The following NAV2 variants were observed in gnomAD, a reference collection of about 807,000 sequenced individuals.
NAV2 encodes helicase, APC down-regulated 1.
In NAV2, 54 loss-of-function variants were observed where a neutral mutation model predicts 223.2. The ratio of observed to expected loss-of-function variants is 0.24; its 90% CI spans 0.19 to 0.30. The LOEUF (loss-of-function observed/expected upper bound fraction) is 0.30, where lower values mean the gene tolerates loss of function less well. Among genes scored for constraint, NAV2 ranks in the 10% least tolerant of loss-of-function variants. The pLI is 1.00. For synonymous variants in NAV2, 1,279 were observed against 1,239.3 expected, an observed-to-expected ratio of 1.03 and a Z score of -0.67; for missense variants, 2,806 against 3,147.5, an observed-to-expected ratio of 0.89 and a Z score of 2.60.
intron 16 of NAV2, 124 bp downstream of exon 16, chr11:20,050,025 G>T: frequency 1.2e-6 from 1 of 824,082 alleles, no homozygotes; most frequent in South Asian, 1.5e-5. Context: ...TGGCTCTAGT[G>T]TACTCTGTGA....
intron 1 of NAV2, among the ~76,000 whole-genome samples, chr11:19,811,798 T>A (rs962525578): frequency 6.6e-6 from 1 of 152,248 alleles, no homozygotes; most frequent in African/African-American, 2.4e-5. Context: ...GATTTTTATC[T>A]GGATTCTAGG....
intron 1 of NAV2, among the ~76,000 whole-genome samples, chr11:19,468,476 C>T (rs908908132): frequency 1.3e-5 from 2 of 152,288 alleles, no homozygotes; most frequent in Admixed American, 1.3e-4. Flanking sequence ...CTGCCTCCAT[C>T]TTCTCCCTGG....
At chr11:19,594,481 G>A (rs1421454959) in intron 1 of NAV2, among the ~76,000 whole-genome samples, 2 of 151,370 alleles carry the variant, frequency 1.3e-5, no homozygotes, top group African/African-American at 4.9e-5. Flanking sequence ...TGTATCCAGG[G>A]CACATAGAAG....
chr11:19,649,794 C>T (rs1163235313), intron 1 of NAV2, among the ~76,000 whole-genome samples: 1 of 152,152 alleles, frequency 6.6e-6, no homozygotes, highest in Non-Finnish European at 1.5e-5. Context: ...AATATTTGAA[C>T]AGGCACAAAA....
At chr11:19,497,304 A>AT (rs1225803416) in intron 1 of NAV2, among the ~76,000 whole-genome samples, 1 of 152,226 alleles carries the variant, frequency 6.6e-6, no homozygotes, top group Non-Finnish European at 1.5e-5. Context: ...TAAGTGCCGT[A>AT]TAAGAATTTG....
intron 1 of NAV2, among the ~76,000 whole-genome samples, chr11:19,516,681 C>A (rs911100864): frequency 6.6e-6 from 1 of 152,198 alleles, no homozygotes; most frequent in African/African-American, 2.4e-5. Context: ...GACTGTTCAA[C>A]AATCTCTGCA....
chr11:19,820,840 C>T (rs1218017056), intron 1 of NAV2, among the ~76,000 whole-genome samples: 1 of 152,202 alleles, frequency 6.6e-6, no homozygotes, highest in African/African-American at 2.4e-5. Flanking sequence ...GATGAGATCA[C>T]AGGTACAAAA....
chr11:19,693,871 G>T (rs1213272043), intron 1 of NAV2, among the ~76,000 whole-genome samples: 3 of 152,210 alleles, frequency 2.0e-5, no homozygotes, highest in Non-Finnish European at 4.4e-5. Flanking sequence ...CATTGTAGCT[G>T]GAGGGAGAAT....
At chr11:19,423,544 G>A (rs1479277188) in intron 1 of NAV2, among the ~76,000 whole-genome samples, 1 of 152,190 alleles carries the variant, frequency 6.6e-6, no homozygotes, top group Non-Finnish European at 1.5e-5. Context: ...ATCTTAAGTG[G>A]GGAGAGCATT....
chr11:19,722,877 C>T (rs1287246833), intron 1 of NAV2, among the ~76,000 whole-genome samples: 1 of 152,216 alleles, frequency 6.6e-6, no homozygotes, highest in Non-Finnish European at 1.5e-5. Flanking sequence ...AGCTCTCCAA[C>T]ACCAGGTCTT....
intron 1 of NAV2, among the ~76,000 whole-genome samples, chr11:19,498,379 T>G (rs1413709459): frequency 6.6e-6 from 1 of 152,234 alleles, no homozygotes; most frequent in Non-Finnish European, 1.5e-5. Flanking sequence ...GTGGCTTTTT[T>G]GGCCAGGTCC....
At chr11:19,892,375 C>A in intron 5 of NAV2, 59 bp from the exon 6 acceptor site, 1 of 1,541,316 alleles carries the variant, frequency 6.5e-7, no homozygotes, top group Non-Finnish European at 8.8e-7. Flanking sequence ...GTTCCTTCTT[C>A]CTACACACTG....
chr11:20,016,302 C>G (rs7948078), intron 11 of NAV2, among the ~76,000 whole-genome samples: 146,965 of 152,314 alleles, frequency 0.96, 71,138 homozygotes, highest in South Asian at 1. Flanking sequence ...CCACATGGTC[C>G]TGTTCCTTAG....
chr11:19,704,798 G>A (rs2049609461), intron 1 of NAV2, among the ~76,000 whole-genome samples: 2 of 151,984 alleles, frequency 1.3e-5, no homozygotes, highest in African/African-American at 4.8e-5. Flanking sequence ...GGATCACGAG[G>A]TCAGGAGATC....
chr11:19,521,578 G>A (rs1168971739), intron 1 of NAV2, among the ~76,000 whole-genome samples: 4 of 152,128 alleles, frequency 2.6e-5, no homozygotes, highest in Non-Finnish European at 4.4e-5. Flanking sequence ...TATCTTATGC[G>A]TTAGTGGGGA....
In NAV2 at chr11:20,114,572, C is replaced by T. The variant is rs1239456865; in HGVS notation, c.6961-20C>T. The T allele has an allele frequency of 1.2e-6, 2 of 1,612,910 alleles. No homozygotes were observed. The highest frequency in any genetic ancestry group is 8.5e-7 in the Non-Finnish European group (1 of 1,179,350). Reference sequence around the variant, plus strand: ...AGATCTGGGCCACTTCCAGACTGTTCCTTCTTTGCCTGTTTTCAGCTCTAT... The same window carrying T: ...AGATCTGGGCCACTTCCAGACTGTTTCTTCTTTGCCTGTTTTCAGCTCTAT... On this transcript the variant is annotated intron_variant, in intron 36 of 37. Transcript: ENST00000349880.
At chr11:19,892,390 TC>T in intron 5 of NAV2, 43 bp from the exon 6 acceptor site, 21 of 1,588,504 alleles carry the variant, frequency 1.3e-5, no homozygotes, top group Non-Finnish European at 1.7e-5. Flanking sequence ...ACACTGTTAT[TC>T]TTCTGAGACT....
intron 10 of NAV2, among the ~76,000 whole-genome samples, chr11:19,963,955 A>G (rs7950088): frequency 0.59 from 90,306 of 151,974 alleles, 27,846 homozygotes; most frequent in African/African-American, 0.74. Context: ...GTTTCTAGAC[A>G]TGATACCCGA....
In NAV2 at chr11:19,518,505, G is replaced by A. The variant is rs138010652; in HGVS notation, c.75+167478G>A. ...GAGTTGTTCTCCCCGCTGCACTGCC[G>A]TCCGTGGTCTGCTTTACAGCTTGGC... On this transcript the variant is annotated intron_variant, in intron 1 of 37. Coordinates refer to the NAV2 transcript ENST00000360655. 1,244 of 152,284 alleles carry A rather than the reference G, an allele frequency of 8.2e-3. 23 individuals are homozygous for A. Among genetic ancestry groups the A allele is most frequent in the African/African-American group, 0.028 (1,166 of 41,518 alleles). 9.4% of individuals were successfully genotyped at this position (152,284 alleles called of 1,614,324 possible).
Sources: allele counts gnomAD v4.1 joint callset (sites outside exome capture counted in the v4.1 genomes callset), GRCh38; gene constraint gnomAD v4.1.1; transcripts MANE v1.5; gene names NCBI Gene and HGNC (gene_info 2026-07-23, HGNC 2026-07-21).